Variants in MATR3 observed in about 807,000 individuals in gnomAD.
The protein encoded by MATR3 is matrin-3.
In MATR3, 4 loss-of-function variants were observed where a neutral mutation model predicts 85.5. The ratio of observed to expected loss-of-function variants is 0.05; its 90% CI spans 0.02 to 0.11. The LOEUF (loss-of-function observed/expected upper bound fraction) is 0.11, where lower values mean the gene tolerates loss of function less well. MATR3 is among the 10% of genes least tolerant of loss of function. MATR3 has a pLI of 1.00. For missense variants in MATR3, 685 were observed against 1,016.1 expected, an observed-to-expected ratio of 0.67 and a Z score of 4.43; for synonymous variants, 336 against 343.1, an observed-to-expected ratio of 0.98 and a Z score of 0.23.
chr5:139,305,811 C>G (rs568293780), intron 1 of MATR3, among the ~76,000 whole-genome samples: 1 of 152,234 alleles, frequency 6.6e-6, no homozygotes, highest in African/African-American at 2.4e-5. Context: ...ATTTCTGTGT[C>G]TTTTAAAACT....
At position 139,331,226 on chromosome 5, in the gene MATR3, G is replaced by A. The variant is rs1756133011; in HGVS notation, c.*1831G>A. 2 of 454,128 alleles carry A rather than the reference G, an allele frequency of 4.4e-6. No individual in the cohort carries two copies. Among genetic ancestry groups the A allele is most frequent in the South Asian group, 1.6e-5 (1 of 64,474 alleles). 28.1% of individuals were successfully genotyped at this position (454,128 alleles called of 1,614,324 possible). ...TTATGATCTCTCCCGTTGAAAAGTA[G>A]GTGATGATTTTAATGTGACATGCAC... On this transcript the variant is annotated 3_prime_UTR_variant, in exon 15 of 15. Coordinates refer to ENST00000394805, the MANE Select transcript of MATR3 (RefSeq NM_018834.6).
intron 14 of MATR3, among the ~76,000 whole-genome samples, chr5:139,327,464 A>G (rs1035217443): frequency 2.6e-5 from 4 of 152,150 alleles, no homozygotes; most frequent in African/African-American, 9.7e-5. Context: ...CTTGTTGCCC[A>G]AGGCTGAAGT....
At chr5:139,316,980 C>G (rs1029016725) in intron 5 of MATR3, 73 bp from the exon 6 acceptor site, 1 of 1,215,720 alleles carries the variant, frequency 8.2e-7, no homozygotes. Context: ...GGAAGATGCA[C>G]GTTTTTCAGT....
chr5:139,327,772 CTA>C (rs749919007), intron 14 of MATR3, among the ~76,000 whole-genome samples: 2 of 152,002 alleles, frequency 1.3e-5, no homozygotes, highest in Non-Finnish European at 2.9e-5. Context: ...GGGTCAAAAA[CTA>C]TATGTATTGT....
rs1755427414 is a variant in MATR3, at chr5:139,319,459, T to C, written c.1560T>C (p.Tyr520=). ...DSAVLKLAEP[Y]GKIKNYILMR... is the part of the protein sequence containing the mutation. ...CTGTTCTCAAGCTTGCTGAGCCTTA[T>C]GGGAAAATAAAGAATTACATATTGA... The change falls in exon 9 of 15, where the codon TAT becomes TAC. Residue 520 remains tyrosine, a synonymous_variant. Transcript: ENST00000394805. 6.2e-7 allele frequency: 1 copy of C among 1,613,954 alleles called. No homozygotes were observed. The highest frequency in any genetic ancestry group is 8.5e-7 in the Non-Finnish European group (1 of 1,179,952).
At chr5:139,309,001 G>C (rs1162180564) in intron 2 of MATR3, among the ~76,000 whole-genome samples, 1 of 151,908 alleles carries the variant, frequency 6.6e-6, no homozygotes, top group African/African-American at 2.4e-5. Context: ...TTAGAGACTT[G>C]GACAAATCAA....
At position 139,325,539 on chromosome 5, in the gene MATR3, A is replaced by G; in HGVS notation, c.2248A>G (p.Asn750Asp). Residue 750 changes from asparagine (N) to aspartate (D), a missense_variant, in exon 13 of 15, where the codon AAC (asparagine) becomes GAC (aspartate). Asn to Asp is a conservative substitution (Grantham distance 23, BLOSUM62 1). Coordinates refer to ENST00000394805, the MANE Select transcript of MATR3 (RefSeq NM_018834.6). ...AGAACCAGGTGCTGAATCTTCTGAG[A>G]ACGCTGATGATCCCAACAAAGATAC... The part of the protein sequence containing the change: ...NTEPGAESSE[N>D]ADDPNKDTSE... The G allele has an allele frequency of 6.2e-7, 1 of 1,614,240 alleles. No homozygotes were observed. The highest frequency in any genetic ancestry group is 2.2e-5 in the East Asian group (1 of 44,892).
intron 3 of MATR3, among the ~76,000 whole-genome samples, chr5:139,280,980 A>T (rs1470194720): frequency 6.6e-6 from 1 of 152,048 alleles, no homozygotes. Context: ...TAAGCAAAGA[A>T]ATATATTTCC....
intron 2 of MATR3, chr5:139,312,852 A>C (rs558619762): frequency 6.6e-6 from 1 of 151,840 alleles, no homozygotes; most frequent in African/African-American, 2.4e-5. Context: ...GCGTTTCACC[A>C]TGTTGGCCAG....
chr5:139,286,484 T>C (rs756774243), intron 3 of MATR3, among the ~76,000 whole-genome samples: 14 of 151,312 alleles, frequency 9.3e-5, no homozygotes, highest in Non-Finnish European at 1.9e-4. Context: ...GACTTTTTAA[T>C]TTTATTATTT....
At chr5:139,291,450 C>G (rs922895179), upstream of MATR3, among the ~76,000 whole-genome samples, 10 of 152,182 alleles carry the variant, frequency 6.6e-5, no homozygotes, top group African/African-American at 2.4e-4. Flanking sequence ...GTATCACTGA[C>G]TAAATTAGAT....
At chr5:139,295,182 T>G (rs1049806191) in intron 1 of MATR3, among the ~76,000 whole-genome samples, 2 of 152,234 alleles carry the variant, frequency 1.3e-5, no homozygotes, top group Non-Finnish European at 1.5e-5. Context: ...AAACATTTCT[T>G]TACTAATGGC....
chr5:139,289,963 A>C (rs1268753845), upstream of MATR3, among the ~76,000 whole-genome samples: 1 of 152,146 alleles, frequency 6.6e-6, no homozygotes, highest in Non-Finnish European at 1.5e-5. Context: ...TCTTGGTAGC[A>C]TTTGACCCTG....
At position 139,322,042 on chromosome 5, in the gene MATR3, T is replaced by C; in HGVS notation, c.1734+13T>C. 1 of 1,609,194 alleles carries C rather than the reference T, an allele frequency of 6.2e-7. No individual in the cohort carries two copies. Among genetic ancestry groups the C allele is most frequent in the East Asian group, 2.2e-5 (1 of 44,832 alleles). On this transcript the variant is annotated intron_variant, in intron 10 of 14. Coordinates refer to ENST00000394805, the MANE Select transcript of MATR3 (RefSeq NM_018834.6). ...ACTGGTTCTGAGGGTATGTAGTATT[T>C]GATTTGTCATCATTTAACAGCTTGT... is the stretch of plus-strand genomic sequence containing the variant.
intron 1 of MATR3, among the ~76,000 whole-genome samples, chr5:139,303,728 A>G (rs1457018714): frequency 2.6e-5 from 4 of 152,140 alleles, no homozygotes; most frequent in African/African-American, 7.2e-5. Context: ...AGCCTGGGCA[A>G]TGAAGGAGTC....
intron 1 of MATR3, among the ~76,000 whole-genome samples, chr5:139,301,342 C>T (rs567105724): frequency 6.6e-6 from 1 of 151,556 alleles, no homozygotes; most frequent in Non-Finnish European, 1.5e-5. Flanking sequence ...TTATTTGAGA[C>T]AGAGTCTCAC....
intron 9 of MATR3, 185 bp from the exon 10 acceptor site, chr5:139,321,713 A>C (rs1023676471): frequency 4.8e-6 from 3 of 624,464 alleles, no homozygotes; most frequent in Admixed American, 2.8e-5. Context: ...GGCCCAGTAC[A>C]TCAACGCTTC....
At chr5:139,317,483 T>C (rs1755312494) in intron 6 of MATR3, 113 bp from the exon 7 acceptor site, 1 of 1,065,334 alleles carries the variant, frequency 9.4e-7, no homozygotes, top group East Asian at 2.4e-5. Context: ...TTATGAGTTG[T>C]TTTACTTACA....
In MATR3 at chr5:139,325,462, A is replaced by T. The variant is rs1235948155; in HGVS notation, c.2171A>T (p.Asp724Val). ...AAGGTGGACAAGATCGAGGAACTTG[A>T]TCAAGAAAACGAAGCAGCGTTGGAA... ...LKKVDKIEEL[D>V]QENEAALENG... The change falls in exon 13 of 15, where the codon GAT becomes GTT. Residue 724 changes from aspartate to valine, a missense_variant. Around this residue, in one of 9 missense-constraint regions of MATR3, gnomAD observed 215 missense variants for 194.7 expected, o/e 1.10. Transcript: ENST00000394805. 2 of 1,614,212 alleles carry T rather than the reference A, an allele frequency of 1.2e-6. No homozygotes were observed. The highest frequency in any genetic ancestry group is 1.7e-6 in the Non-Finnish European group (2 of 1,180,040).
Sources: allele counts gnomAD v4.1 joint callset (sites outside exome capture counted in the v4.1 genomes callset), GRCh38; gene constraint gnomAD v4.1.1; regional missense constraint gnomAD v4.1.1; transcripts MANE v1.5; gene names NCBI Gene and HGNC (gene_info 2026-07-23, HGNC 2026-07-21).